TPCN2: variants seen among roughly 807,000 people sequenced by gnomAD.
TPCN2 encodes the protein two pore channel protein 2.
Under a neutral mutation model 111.4 loss-of-function variants are expected in TPCN2, and 92 were observed. The ratio of observed to expected loss-of-function variants is 0.83; its 90% CI spans 0.70 to 0.98. The LOEUF is 0.98. TPCN2 is among the 50% of genes least tolerant of loss of function. The probability of loss-of-function intolerance (pLI) is 0.00; values close to 1 mark genes in which losing one functional copy is unlikely to be tolerated. For synonymous variants in TPCN2, 405 were observed against 414.5 expected (o/e 0.98, Z 0.28); for missense variants, 995 against 980.1 (o/e 1.02, Z -0.20).
chr11:69,080,211 G>A (rs1019957961), intron 17 of TPCN2, among the ~76,000 whole-genome samples: 7 of 152,242 alleles, frequency 4.6e-5, no homozygotes, highest in Admixed American at 2.6e-4. Context: ...GATGCCCCTG[G>A]CTCAGGTCTC....
chr11:69,055,074 A>G, intron 3 of TPCN2, 101 bp from the exon 4 acceptor site: 1 of 1,281,780 alleles, frequency 7.8e-7, no homozygotes, highest in South Asian at 1.4e-5. Flanking sequence ...ACGCTCAGGC[A>G]GCGCCAACTC....
intron 17 of TPCN2, among the ~76,000 whole-genome samples, chr11:69,080,100 C>A (rs2134623110): frequency 6.6e-6 from 1 of 152,366 alleles, no homozygotes; most frequent in East Asian, 1.9e-4. Context: ...AGCTGGCACC[C>A]CGCAGGCTGT....
intron 6 of TPCN2, among the ~76,000 whole-genome samples, chr11:69,063,322 C>T (rs915202127): frequency 6.1e-4 from 93 of 152,138 alleles, no homozygotes; most frequent in African/African-American, 2.1e-3. Context: ...CTCCCCTCTG[C>T]CGTCCCCTCC....
chr11:69,082,467 G>A (rs562259241), intron 18 of TPCN2, among the ~76,000 whole-genome samples: 24 of 152,398 alleles, frequency 1.6e-4, no homozygotes, highest in African/African-American at 5.8e-4. Context: ...ATAATCACAT[G>A]CAAATATCCA....
chr11:69,072,420 A>G (rs947187584), intron 11 of TPCN2, among the ~76,000 whole-genome samples: 3 of 151,460 alleles, frequency 2.0e-5, no homozygotes, highest in African/African-American at 7.3e-5. Flanking sequence ...TCTGGTCCTG[A>G]CTGCTCATAG....
At chr11:69,081,602 C>G (rs1308386613) in intron 18 of TPCN2, 103 bp downstream of exon 18, 4 of 816,900 alleles carry the variant, frequency 4.9e-6, no homozygotes, top group Non-Finnish European at 7.6e-6. Context: ...GAGGACTGTG[C>G]CCGTCACCCT....
At chr11:69,054,912 A>G (rs1318280767) in intron 3 of TPCN2, 115 bp downstream of exon 3, 13 of 1,074,912 alleles carry the variant, frequency 1.2e-5, no homozygotes, top group Non-Finnish European at 1.8e-5. Context: ...CCCACTACAT[A>G]GATAGGGCGG....
At position 69,071,559 on chromosome 11, in the gene TPCN2, G is replaced by A. The variant is rs1855536368; in HGVS notation, c.960+139G>A. 5.4e-6 allele frequency: 4 copies of A among 734,052 alleles called. No homozygotes were observed. In the South Asian group the frequency reaches 6.3e-5, roughly 12 times the overall value. 45.5% of individuals were successfully genotyped at this position (734,052 alleles called of 1,614,324 possible). On this transcript the variant is annotated intron_variant, in intron 10 of 24. Coordinates refer to ENST00000294309, the MANE Select transcript of TPCN2 (RefSeq NM_139075.4). ...GAGGGCAGGGTTGCCACCTCTTGTG[G>A]ATCAGCCGGGGATGCACATGTGTTG...
chr11:69,079,505 G>T, intron 16 of TPCN2: 1 of 308,116 alleles, frequency 3.2e-6, no homozygotes, highest in Non-Finnish European at 6.0e-6. Context: ...TGAGAGTGAC[G>T]TTTGCTGTAG....
chr11:69,054,740 G>C lies in TPCN2; in HGVS notation c.194G>C (p.Arg65Pro). The change falls in exon 3 of 25, where the codon CGG becomes CCG. Residue 65 changes from arginine to proline, a missense_variant. Coordinates refer to ENST00000294309, the MANE Select transcript of TPCN2 (RefSeq NM_139075.4). ...TTGTAGTACCGCTCCATCAACCACC[G>C]GGTGGATGCCAGCTCGATGTGGCTT... is the stretch of plus-strand genomic sequence containing the variant. ...DAIQYRSINHRVDASSMWLYR... is the reference protein window; with the variant it reads ...DAIQYRSINHPVDASSMWLYR... 1.9e-6 allele frequency: 3 copies of C among 1,614,126 alleles called. No individual in the cohort carries two copies. Among genetic ancestry groups the C allele is most frequent in the Non-Finnish European group, 2.5e-6 (3 of 1,179,994 alleles).
At position 69,088,070 on chromosome 11, in the gene TPCN2, T is replaced by C; in HGVS notation, c.*117T>C. 1.2e-6 allele frequency: 1 copy of C among 837,904 alleles called. No individual in the cohort carries two copies. Among genetic ancestry groups the C allele is most frequent in the Non-Finnish European group, 1.8e-6 (1 of 546,720 alleles). The allele number at this position is 837,904 out of a possible 1,614,324, so 51.9% of individuals were successfully genotyped here. A position where few individuals can be genotyped will look rare whatever the true frequency, so the allele number is the denominator to read the frequency against. On this transcript the variant is annotated 3_prime_UTR_variant, in exon 25 of 25. Coordinates refer to ENST00000294309, the MANE Select transcript of TPCN2 (RefSeq NM_139075.4). ...GCCAGGCAGGAAGAGACCTTTCCTC[T>C]GACGGACCACTAAGCTGGGGACAGG...
intron 1 of TPCN2, among the ~76,000 whole-genome samples, chr11:69,049,331 C>T (rs562467141): frequency 3.9e-5 from 6 of 152,328 alleles, no homozygotes; most frequent in African/African-American, 1.4e-4. Flanking sequence ...GGGTCTCTTC[C>T]GTGTCGCGTC....
intron 1 of TPCN2, among the ~76,000 whole-genome samples, chr11:69,049,460 C>T (rs1456953514): frequency 6.6e-6 from 1 of 152,246 alleles, no homozygotes; most frequent in Non-Finnish European, 1.5e-5. Context: ...CCATACTTCC[C>T]GACTGTCGCC....
Position 69,072,642 on chromosome 11 carries a change from C to G in TPCN2, c.1077C>G (p.Pro359=). 1 of 1,613,840 alleles carries G rather than the reference C, an allele frequency of 6.2e-7. No homozygotes were observed. Among genetic ancestry groups the G allele is most frequent in the Non-Finnish European group, 8.5e-7 (1 of 1,180,010 alleles). Residue 359 remains proline, a synonymous_variant, in exon 12 of 25, where the codon CCC becomes CCG. Coordinates refer to ENST00000294309, the MANE Select transcript of TPCN2 (RefSeq NM_139075.4). The stretch of plus-strand genomic sequence containing the variant: ...TTCCCTGCAGAGTTGGGGTGAAGCC[C>G]CAGAACTTGCTGCAGGTGCTTCAGA... ...GAFPQAVGVK[P]QNLLQVLQKV... is the part of the protein sequence containing the mutation.
Position 69,085,844 on chromosome 11 carries a change from G to C in TPCN2, c.1921-4G>C. 1 of 1,614,056 alleles carries C rather than the reference G, an allele frequency of 6.2e-7. No individual in the cohort carries two copies. On this transcript the variant is annotated splice_polypyrimidine_tract_variant and splice_region_variant and intron_variant, in intron 21 of 24. Coordinates refer to ENST00000294309, the MANE Select transcript of TPCN2 (RefSeq NM_139075.4). ...TCCTGGACCGCTGGTCTCTGCCCCCGCAGGCTGCCCTGGTCACTCTGTGGA... is the reference window on the plus strand; with the variant it reads ...TCCTGGACCGCTGGTCTCTGCCCCCCCAGGCTGCCCTGGTCACTCTGTGGA...
At chr11:69,064,403 C>G (rs975759318) in intron 7 of TPCN2, among the ~76,000 whole-genome samples, 2 of 151,966 alleles carry the variant, frequency 1.3e-5, no homozygotes, top group Non-Finnish European at 2.9e-5. Context: ...TTGCCCTGTA[C>G]CCTCTCTGAC....
chr11:69,050,804 G>T (rs1861190994), intron 1 of TPCN2, among the ~76,000 whole-genome samples: 1 of 152,252 alleles, frequency 6.6e-6, no homozygotes, highest in Admixed American at 6.5e-5. Context: ...TGGTGTGGGG[G>T]CCAGTGGCCG....
rs1277981153 is a variant in TPCN2, at chr11:69,055,386, C to T, written c.429+34C>T. 6 of 1,557,604 alleles carry T rather than the reference C, an allele frequency of 3.9e-6. No homozygotes were observed. In the African/African-American group the frequency reaches 8.2e-5, roughly 21 times the overall value. ...GGCGCCAGGCCCTCTACGTGCTGCC[C>T]CGGCCTCCCAGCGCCTGGCCGCTGC... On this transcript the variant is annotated intron_variant, in intron 4 of 24. Coordinates refer to ENST00000294309, the MANE Select transcript of TPCN2 (RefSeq NM_139075.4).
rs772502491 is a variant in TPCN2 at position 69,070,422 on chromosome 11, T to C, written c.830-8T>C. The C allele has an allele frequency of 6.2e-6, 10 of 1,608,968 alleles. No individual in the cohort carries two copies. In the Admixed American group the frequency reaches 8.3e-5, roughly 13 times the overall value. On this transcript the variant is annotated splice_region_variant and splice_polypyrimidine_tract_variant and intron_variant, in intron 8 of 24. Transcript: ENST00000294309. ...TTGTCAGTTTCTGTTATTTCTTTTTTCTTTTAGTGATGATTCCTGCGTATT... is the reference window on the plus strand; with the variant it reads ...TTGTCAGTTTCTGTTATTTCTTTTTCCTTTTAGTGATGATTCCTGCGTATT...
Sources: gnomAD v4.1 joint callset for allele counts (sites outside exome capture counted in the v4.1 genomes callset) on GRCh38, gnomAD v4.1.1 for gene constraint, MANE v1.5 for transcripts, NCBI Gene and HGNC (gene_info 2026-07-23, HGNC 2026-07-21) for gene names.